Variants in TRIM24 observed in about 807,000 individuals in gnomAD.
The protein encoded by TRIM24 is transcription intermediary factor 1-alpha.
Under a neutral mutation model 123.9 loss-of-function variants are expected in TRIM24, and 29 were observed. That is an observed-to-expected ratio of 0.23 (90% CI 0.17 to 0.32). The LOEUF (loss-of-function observed/expected upper bound fraction) is 0.32. Ranked by LOEUF, TRIM24 falls within the 10% of genes least tolerant of loss-of-function variation. TRIM24 has a pLI of 1.00. For synonymous variants in TRIM24, 456 were observed against 461.1 expected (o/e 0.99, Z 0.14); for missense variants, 932 against 1,295.3 (o/e 0.72, Z 4.31).
At chr7:138,527,107 A>G (rs865912415) in intron 5 of TRIM24, among the ~76,000 whole-genome samples, 61 of 152,102 alleles carry the variant, frequency 4.0e-4, no homozygotes, top group Middle Eastern at 3.4e-3. Context: ...TTTCTGTTGA[A>G]TTGTTTTTCA....
chr7:138,496,378 C>G (rs57407834), intron 1 of TRIM24, among the ~76,000 whole-genome samples: 40,785 of 152,098 alleles, frequency 0.27, 6,183 homozygotes, highest in East Asian at 0.5. Context: ...AATCACATCA[C>G]CTGTGAATAT....
chr7:138,467,817 T>C lies in TRIM24; in HGVS notation c.364+6905T>C, dbSNP rs146313118. Reference sequence around the variant, plus strand: ...TATCGTATATGATATTTTTAAAATTTTCATTTCAAACTGTTGGTAGTATAT... The same window carrying C: ...TATCGTATATGATATTTTTAAAATTCTCATTTCAAACTGTTGGTAGTATAT... On this transcript the variant is annotated intron_variant, in intron 1 of 18. Transcript: ENST00000343526. Among the ~76,000 whole-genome samples, 12 of 152,306 alleles carry C rather than the reference T, an allele frequency of 7.9e-5. No individual in the cohort carries two copies. In the East Asian group the frequency reaches 2.3e-3, roughly 29 times the overall value.
chr7:138,517,507 A>G (rs1796425350), intron 3 of TRIM24, among the ~76,000 whole-genome samples: 1 of 152,052 alleles, frequency 6.6e-6, no homozygotes, highest in Admixed American at 6.6e-5. Context: ...AGTAGCTGGG[A>G]TTATGTAATC....
chr7:138,511,478 C>T (rs140027134), intron 2 of TRIM24, among the ~76,000 whole-genome samples: 1,981 of 151,960 alleles, frequency 0.013, 35 homozygotes, highest in African/African-American at 0.045. Context: ...TTAGTAGAAA[C>T]GGGATTTCAC....
intron 15 of TRIM24, among the ~76,000 whole-genome samples, 167 bp from the exon 16 acceptor site, chr7:138,580,395 C>T (rs926894810): frequency 2.6e-5 from 4 of 152,062 alleles, no homozygotes; most frequent in African/African-American, 9.7e-5. Flanking sequence ...TGTTTCCTCT[C>T]AGCATGGTGC....
rs1794927824 is a variant in TRIM24, at chr7:138,460,303, A to G, written c.-246A>G. ...GCGGTTGGCGAAGCGGACGGGGTGC[A>G]GCCTCCCCGGTGCGAGGAACGGTCT... On this transcript the variant is annotated 5_prime_UTR_variant, in exon 1 of 19. Coordinates refer to ENST00000343526, the MANE Select transcript of TRIM24 (RefSeq NM_015905.3). 1.5e-5 allele frequency: 6 copies of G among 388,754 alleles called. No homozygotes were observed. Among genetic ancestry groups the G allele is most frequent in the Middle Eastern group, 6.6e-4 (1 of 1,526 alleles). The allele number at this position is 388,754 out of a possible 1,614,324, so 24.1% of individuals were successfully genotyped here.
intron 7 of TRIM24, among the ~76,000 whole-genome samples, chr7:138,546,423 G>A (rs563923301): frequency 1.3e-5 from 2 of 152,324 alleles, no homozygotes; most frequent in Non-Finnish European, 2.9e-5. Flanking sequence ...AAAGACTGCT[G>A]AAACTGTTGG....
chr7:138,466,271 A>G (rs113094041), intron 1 of TRIM24, among the ~76,000 whole-genome samples: 30 of 152,268 alleles, frequency 2.0e-4, no homozygotes, highest in African/African-American at 7.0e-4. Flanking sequence ...CTGGGATTAC[A>G]GGCGTGAGCC....
At chr7:138,492,599 C>T (rs1448886372) in intron 1 of TRIM24, among the ~76,000 whole-genome samples, 1 of 152,060 alleles carries the variant, frequency 6.6e-6, no homozygotes, top group Admixed American at 6.6e-5. Context: ...TCTGTGGTGC[C>T]AGGGGAGTGC....
At chr7:138,482,293 T>A (rs1795546256) in intron 1 of TRIM24, among the ~76,000 whole-genome samples, 1 of 152,174 alleles carries the variant, frequency 6.6e-6, no homozygotes, top group Non-Finnish European at 1.5e-5. Context: ...ATGTAACCCC[T>A]TACCAATACC....
chr7:138,519,508 G>T (rs1213351552), intron 4 of TRIM24, among the ~76,000 whole-genome samples, 187 bp downstream of exon 4: 1 of 152,050 alleles, frequency 6.6e-6, no homozygotes, highest in Non-Finnish European at 1.5e-5. Context: ...CTTTATTGTT[G>T]AGGACTGATC....
Position 138,554,988 on chromosome 7 carries a change from T to C in TRIM24, c.1530+22T>C. The stretch of plus-strand genomic sequence containing the variant: ...TCAGGTAAATTTGGAAGCAGGCCTG[T>C]CCTCACTTAGATAATTATAGTATAA... On this transcript the variant is annotated intron_variant, in intron 9 of 18. Coordinates refer to ENST00000343526, the MANE Select transcript of TRIM24 (RefSeq NM_015905.3). This position sits in a 1 kb window ranked among gnomAD's most constrained non-coding sequence, Gnocchi z 4.5. The C allele has an allele frequency of 1.2e-6, 2 of 1,608,922 alleles. No individual in the cohort carries two copies. Among genetic ancestry groups the C allele is most frequent in the Non-Finnish European group, 1.7e-6 (2 of 1,176,628 alleles).
chr7:138,560,354 C>G (rs1797400500), intron 9 of TRIM24, among the ~76,000 whole-genome samples: 1 of 152,218 alleles, frequency 6.6e-6, no homozygotes, highest in Non-Finnish European at 1.5e-5. Context: ...TGTCTCTTAA[C>G]AATACTTTAG....
intron 1 of TRIM24, among the ~76,000 whole-genome samples, chr7:138,462,741 CTGG>C (rs1795030851): frequency 6.6e-6 from 1 of 152,154 alleles, no homozygotes; most frequent in African/African-American, 2.4e-5. Context: ...ATCCATGAAA[CTGG>C]TAAGGTTATT....
chr7:138,510,515 G>A (rs939084982), intron 2 of TRIM24, among the ~76,000 whole-genome samples: 2 of 151,954 alleles, frequency 1.3e-5, no homozygotes, highest in African/African-American at 2.4e-5. Context: ...TCCACCTCCC[G>A]GGTTCAAGCA....
chr7:138,579,371 C>G lies in TRIM24; in HGVS notation c.2424C>G (p.Ser808=). The G allele has an allele frequency of 6.2e-7, 1 of 1,614,086 alleles. No individual in the cohort carries two copies. Among genetic ancestry groups the G allele is most frequent in the Non-Finnish European group, 8.5e-7 (1 of 1,180,008 alleles). Residue 808 remains serine, a synonymous_variant, in exon 15 of 19, where the codon TCC becomes TCG. Transcript: ENST00000343526. ...SNGKSEWLDP[S]QKSPLHVGET... ...GAAAGTCTGAATGGTTGGATCCTTC[C>G]CAGAAGTCACCTCTTCATGTTGGAG...
chr7:138,550,086 G>A (rs1797179577), intron 7 of TRIM24, among the ~76,000 whole-genome samples: 2 of 152,124 alleles, frequency 1.3e-5, no homozygotes, highest in South Asian at 4.1e-4. Flanking sequence ...AGAAAGTAGG[G>A]AAGTGAATGG....
chr7:138,541,952 T>C (rs1296133834), intron 7 of TRIM24, among the ~76,000 whole-genome samples: 1 of 152,222 alleles, frequency 6.6e-6, no homozygotes, highest in African/African-American at 2.4e-5. Flanking sequence ...CTTAAAACTT[T>C]CTTTTGCAGC....
At chr7:138,531,217 G>A (rs1025137570) in intron 6 of TRIM24, among the ~76,000 whole-genome samples, 4 of 146,940 alleles carry the variant, frequency 2.7e-5, no homozygotes, top group African/African-American at 1.1e-4. Context: ...ATACGTGTAT[G>A]TTACATACGT....
Sources: gnomAD v4.1 joint callset for allele counts (sites outside exome capture counted in the v4.1 genomes callset) on GRCh38, gnomAD v4.1.1 for gene constraint, Gnocchi (gnomAD v3.1) non-coding constraint, MANE v1.5 for transcripts, NCBI Gene and HGNC (gene_info 2026-07-23, HGNC 2026-07-21) for gene names.